The following BRINP3 variants were observed in gnomAD, a reference collection of about 807,000 sequenced individuals.
The protein encoded by BRINP3 is BMP/retinoic acid-inducible neural-specific protein 3.
Under a neutral mutation model 71.0 loss-of-function variants are expected in BRINP3, and 19 were observed. That is an observed-to-expected ratio of 0.27 (90% CI 0.19 to 0.39). BRINP3 has a LOEUF of 0.39. BRINP3 is among the 10% of genes least tolerant of loss of function. The probability of loss-of-function intolerance (pLI) is 1.00; values close to 1 mark genes in which losing one functional copy is unlikely to be tolerated. For missense variants in BRINP3, 959 were observed against 940.8 expected, an observed-to-expected ratio of 1.02 and a Z score of -0.25; for synonymous variants, 380 against 337.7, an observed-to-expected ratio of 1.13 and a Z score of -1.37.
rs1054119090 is a variant in BRINP3, at chr1:190,116,520, C to A, written c.1185-17386G>T. On this transcript the variant is annotated intron_variant, in intron 7 of 7. Coordinates refer to ENST00000367462, the MANE Select transcript of BRINP3 (RefSeq NM_199051.3). ...TGTTATTTGTTTGTAAAATTAAATTCAAAGTAGCATAACTACTATGTAACT... is the reference window on the plus strand; with the variant it reads ...TGTTATTTGTTTGTAAAATTAAATTAAAAGTAGCATAACTACTATGTAACT... Among the ~76,000 whole-genome samples the A allele has an allele frequency of 4.6e-5, 7 of 152,128 alleles. 1 individual carries two copies. In the South Asian group the frequency reaches 1.0e-3, roughly 23 times the overall value.
intron 2 of BRINP3, among the ~76,000 whole-genome samples, chr1:190,364,487 C>T (rs1669359174): frequency 6.6e-6 from 1 of 151,942 alleles, no homozygotes; most frequent in Non-Finnish European, 1.5e-5. Context: ...GAGACAGGAA[C>T]TTGGCAATCA....
At chr1:190,163,677 C>T (rs1304943697) in intron 6 of BRINP3, among the ~76,000 whole-genome samples, 1 of 151,966 alleles carries the variant, frequency 6.6e-6, no homozygotes, top group African/African-American at 2.4e-5. Flanking sequence ...TGGGTGACAA[C>T]TTTCTAATAA....
At chr1:190,428,270 C>T (rs1196840470) in intron 2 of BRINP3, among the ~76,000 whole-genome samples, 1 of 151,738 alleles carries the variant, frequency 6.6e-6, no homozygotes, top group Non-Finnish European at 1.5e-5. Context: ...TGTTTTAAGC[C>T]ATTAAGTTTG....
chr1:190,290,114 T>A (rs144457013), intron 2 of BRINP3, among the ~76,000 whole-genome samples: 2 of 152,030 alleles, frequency 1.3e-5, no homozygotes, highest in Admixed American at 6.6e-5. Context: ...TCACAGAAAA[T>A]CAAACTCAGT....
intron 1 of BRINP3, among the ~76,000 whole-genome samples, chr1:190,468,751 A>G (rs1558313853): frequency 1.3e-5 from 2 of 151,158 alleles, no homozygotes; most frequent in Non-Finnish European, 3.0e-5. Context: ...GAGGAGGCTT[A>G]TGAATCCATA....
At position 190,149,774 on chromosome 1, in the gene BRINP3, C is replaced by T. The variant is rs146766355; in HGVS notation, c.1184+10894G>A. 1.5e-3 allele frequency among the ~76,000 whole-genome samples: 228 copies of T among 152,150 alleles called. 1 individual carries two copies. Among genetic ancestry groups the T allele is most frequent in the African/African-American group, 5.4e-3 (226 of 41,518 alleles). Reference sequence around the variant, plus strand: ...GAGCTAATTTTGTTTCAGTTCAATACAAAGTGCTACCTGAGATTTGATCTT... The same window carrying T: ...GAGCTAATTTTGTTTCAGTTCAATATAAAGTGCTACCTGAGATTTGATCTT... On this transcript the variant is annotated intron_variant, in intron 7 of 7. Transcript: ENST00000367462.
intron 6 of BRINP3, among the ~76,000 whole-genome samples, chr1:190,186,251 G>C (rs1369084477): frequency 1.3e-5 from 2 of 151,828 alleles, no homozygotes; most frequent in Non-Finnish European, 2.9e-5. Flanking sequence ...CGTGGCAGGT[G>C]TCTGTAATCC....
intron 2 of BRINP3, among the ~76,000 whole-genome samples, chr1:190,389,550 G>T (rs575065581): frequency 6.6e-6 from 1 of 151,794 alleles, no homozygotes; most frequent in South Asian, 2.1e-4. Flanking sequence ...AAACACATTG[G>T]ACCTAATTTG....
At chr1:190,353,604 CA>C (rs1296109837) in intron 2 of BRINP3, among the ~76,000 whole-genome samples, 1 of 151,926 alleles carries the variant, frequency 6.6e-6, no homozygotes, top group Non-Finnish European at 1.5e-5. Flanking sequence ...TATCCTTGTT[CA>C]ATGCTTGTAC....
At chr1:190,230,645 A>C (rs1230810424) in intron 5 of BRINP3, among the ~76,000 whole-genome samples, 1 of 151,878 alleles carries the variant, frequency 6.6e-6, no homozygotes, top group Non-Finnish European at 1.5e-5. Flanking sequence ...AATATAAAAA[A>C]AGTATATATG....
intron 6 of BRINP3, among the ~76,000 whole-genome samples, chr1:190,225,195 T>A (rs977610916): frequency 2.0e-5 from 3 of 152,116 alleles, no homozygotes; most frequent in Admixed American, 1.3e-4. Flanking sequence ...GCAGCACTAT[T>A]CCCAATAACC....
chr1:190,195,742 G>T (rs1025755589), intron 6 of BRINP3, among the ~76,000 whole-genome samples: 1 of 151,520 alleles, frequency 6.6e-6, no homozygotes, highest in African/African-American at 2.4e-5. Context: ...CTTCCTCTCA[G>T]TGGGAAAATA....
chr1:190,259,159 T>C (rs1660944239), intron 4 of BRINP3, among the ~76,000 whole-genome samples: 1 of 151,828 alleles, frequency 6.6e-6, no homozygotes, highest in Middle Eastern at 3.4e-3. Flanking sequence ...AGGCCAGTAT[T>C]ACCGCCTACC....
rs1481545259 is a variant in BRINP3, at chr1:190,294,260, A to G, written c.237-12510T>C. 3.7e-5 allele frequency among the ~76,000 whole-genome samples: 3 copies of G among 82,036 alleles called. 1 individual carries two copies. Among genetic ancestry groups the G allele is most frequent in the African/African-American group, 1.1e-4 (3 of 26,294 alleles). The allele number at this position is 82,036 out of a possible 152,430, so 53.8% of individuals were successfully genotyped here. Reference sequence around the variant, plus strand: ...ATAGCTATCAGAAGTACCTCAAAATACCTTTTTTTTTTTTTTGAGTCAGGG... The same window carrying G: ...ATAGCTATCAGAAGTACCTCAAAATGCCTTTTTTTTTTTTTTGAGTCAGGG... On this transcript the variant is annotated intron_variant, in intron 2 of 7. Transcript: ENST00000367462.
At chr1:190,222,728 A>G (rs183833121) in intron 6 of BRINP3, among the ~76,000 whole-genome samples, 247 of 151,998 alleles carry the variant, frequency 1.6e-3, no homozygotes, top group East Asian at 5.4e-3. Context: ...AAAAATACAT[A>G]AGATCAATGA....
chr1:190,183,697 C>T (rs1362868136), intron 6 of BRINP3, among the ~76,000 whole-genome samples: 1 of 151,150 alleles, frequency 6.6e-6, no homozygotes, highest in Non-Finnish European at 1.5e-5. Flanking sequence ...TTCTGACTTT[C>T]CAGTAGAAGT....
chr1:190,136,495 T>G (rs1020224279), intron 7 of BRINP3, among the ~76,000 whole-genome samples: 4 of 152,138 alleles, frequency 2.6e-5, no homozygotes, highest in African/African-American at 4.8e-5. Context: ...GCTTACATTA[T>G]TCCAGTATAC....
chr1:190,384,999 GA>G (rs35733469), intron 2 of BRINP3, among the ~76,000 whole-genome samples: 23,256 of 151,770 alleles, frequency 0.15, 1,972 homozygotes, highest in Middle Eastern at 0.21. Context: ...ATGGTGCTGG[GA>G]AAACTGGCTA....
chr1:190,233,491 T>C (rs1443117882), intron 5 of BRINP3, among the ~76,000 whole-genome samples: 2 of 152,166 alleles, frequency 1.3e-5, no homozygotes, highest in East Asian at 3.9e-4. Context: ...ACTGATACAT[T>C]TTTCAAGATT....
Sources: allele counts gnomAD v4.1 joint callset (sites outside exome capture counted in the v4.1 genomes callset), GRCh38; gene constraint gnomAD v4.1.1; transcripts MANE v1.5; gene names NCBI Gene and HGNC (gene_info 2026-07-23, HGNC 2026-07-21).